The following NIM1K variants were observed in gnomAD, a reference collection of about 807,000 sequenced individuals.
NIM1K encodes the protein NIM1 serine/threonine protein kinase, also known as serine/threonine-protein kinase NIM1.
NIM1K carries 35 observed loss-of-function variants against 37.1 expected under a neutral mutation model. The ratio of observed to expected loss-of-function variants is 0.94; its 90% CI spans 0.72 to 1.25. The LOEUF is 1.25. Ranked by LOEUF, NIM1K falls within the 50% of genes most tolerant of loss-of-function variation. NIM1K has a pLI of 0.00. For missense variants in NIM1K, 564 were observed against 548.0 expected, an observed-to-expected ratio of 1.03 and a Z score of -0.29; for synonymous variants, 234 against 206.6, an observed-to-expected ratio of 1.13 and a Z score of -1.14.
rs1056085127 is a variant in NIM1K, at chr5:43,229,081, T to C, written c.-694-16001T>C. Among the ~76,000 whole-genome samples, 3 of 152,108 alleles carry C rather than the reference T, an allele frequency of 2.0e-5. No homozygotes were observed. In the South Asian group the frequency reaches 6.2e-4, roughly 32 times the overall value. On this transcript the variant is annotated intron_variant, in intron 1 of 3. Transcript: ENST00000326035. Reference sequence around the variant, plus strand: ...ACCTTAGTTTCTTTAACATGACCAGTCCTCAATAAAGACTTTTGGGCCAGG... The same window carrying C: ...ACCTTAGTTTCTTTAACATGACCAGCCCTCAATAAAGACTTTTGGGCCAGG...
chr5:43,258,518 T>C (rs539593961), intron 2 of NIM1K, among the ~76,000 whole-genome samples: 24 of 152,154 alleles, frequency 1.6e-4, no homozygotes, highest in Admixed American at 6.6e-5. Flanking sequence ...CACAGCTCAC[T>C]GCAACCTTGA....
intron 1 of NIM1K, among the ~76,000 whole-genome samples, chr5:43,223,749 A>G (rs1237764916): frequency 6.6e-6 from 1 of 152,222 alleles, no homozygotes; most frequent in African/African-American, 2.4e-5. Context: ...TTGAGCCCCT[A>G]GATGGATAAT....
At position 43,204,637 on chromosome 5, in the gene NIM1K, G is replaced by A. The variant is rs561025560; in HGVS notation, c.-695+12226G>A. Among the ~76,000 whole-genome samples the A allele has an allele frequency of 1.4e-4, 21 of 151,576 alleles. 1 individual carries two copies. In the South Asian group the frequency reaches 4.0e-3, roughly 29 times the overall value. On this transcript the variant is annotated intron_variant, in intron 1 of 3. Transcript: ENST00000326035. ...CAAGAATCAGTTGAACCCAGGAGGC[G>A]GAGGTTGCAGTGAGCCAAGATGGTG... is the stretch of plus-strand genomic sequence containing the variant.
intron 1 of NIM1K, among the ~76,000 whole-genome samples, chr5:43,233,748 C>T (rs1194430251): frequency 6.6e-6 from 1 of 152,224 alleles, no homozygotes; most frequent in Admixed American, 6.5e-5. Flanking sequence ...ATTTTTAATT[C>T]CCTAAAAATA....
In NIM1K at chr5:43,245,628, C is replaced by A; in HGVS notation, c.-148C>A. On this transcript the variant is annotated 5_prime_UTR_variant, in exon 2 of 4. Coordinates refer to ENST00000326035, the MANE Select transcript of NIM1K (RefSeq NM_153361.4). The stretch of plus-strand genomic sequence containing the variant: ...TTCACTGCCTTCCTCTCACTAAAGC[C>A]GAGAGGGAGGCTGCTCAGCTCTCAG... The A allele has an allele frequency of 1.4e-6, 1 of 724,532 alleles. No individual in the cohort carries two copies. The highest frequency in any genetic ancestry group is 2.2e-6 in the Non-Finnish European group (1 of 446,678). 44.9% of individuals were successfully genotyped at this position (724,532 alleles called of 1,614,324 possible).
intron 2 of NIM1K, among the ~76,000 whole-genome samples, chr5:43,254,828 T>A (rs1187564901): frequency 1.3e-5 from 2 of 152,186 alleles, no homozygotes; most frequent in Non-Finnish European, 2.9e-5. Context: ...CTCAGTTTCC[T>A]AAGTAGCATG....
intron 1 of NIM1K, among the ~76,000 whole-genome samples, chr5:43,228,046 T>C (rs1036646704): frequency 1.3e-5 from 2 of 152,176 alleles, no homozygotes; most frequent in Non-Finnish European, 2.9e-5. Flanking sequence ...CCTCACTTGG[T>C]TGTTTAATTT....
At position 43,221,847 on chromosome 5, in the gene NIM1K, T is replaced by C. The variant is rs557236395; in HGVS notation, c.-694-23235T>C. 2.6e-5 allele frequency among the ~76,000 whole-genome samples: 4 copies of C among 152,378 alleles called. No individual in the cohort carries two copies. The East Asian group carries it at 7.7e-4, about 29-fold the overall frequency. On this transcript the variant is annotated intron_variant, in intron 1 of 3. Transcript: ENST00000326035. ...ACCATTAGGCTGAACTTAGAATATT[T>C]AAGCAGGCAGCTTTAGGCTAATCTT...
chr5:43,265,256 A>G (rs1753123322), intron 2 of NIM1K, among the ~76,000 whole-genome samples: 1 of 152,252 alleles, frequency 6.6e-6, no homozygotes, highest in Non-Finnish European at 1.5e-5. Flanking sequence ...AGGTACACCA[A>G]TCAGACGTAG....
At chr5:43,239,165 A>T (rs1052095996) in intron 1 of NIM1K, among the ~76,000 whole-genome samples, 3 of 151,478 alleles carry the variant, frequency 2.0e-5, no homozygotes, top group Admixed American at 2.0e-4. Context: ...CTTATCACTA[A>T]TTTTCTTGCC....
chr5:43,253,610 ATCT>A (rs918330018), intron 2 of NIM1K, among the ~76,000 whole-genome samples: 20 of 151,922 alleles, frequency 1.3e-4, no homozygotes, highest in African/African-American at 4.8e-4. Context: ...ATCATGGAAA[ATCT>A]TCTTGCATAT....
At chr5:43,252,584 A>T (rs1215106911) in intron 2 of NIM1K, among the ~76,000 whole-genome samples, 6 of 152,016 alleles carry the variant, frequency 3.9e-5, no homozygotes, top group Non-Finnish European at 7.4e-5. Context: ...GAAAAAAAAA[A>T]AAAATAAAGA....
chr5:43,259,624 A>G (rs916042509), intron 2 of NIM1K, among the ~76,000 whole-genome samples: 17 of 152,024 alleles, frequency 1.1e-4, no homozygotes, highest in Admixed American at 8.5e-4. Flanking sequence ...CTTTTTAATG[A>G]GATCTTTTTT....
chr5:43,242,592 T>C (rs976388451), intron 1 of NIM1K, among the ~76,000 whole-genome samples: 1 of 151,886 alleles, frequency 6.6e-6, no homozygotes, highest in Non-Finnish European at 1.5e-5. Flanking sequence ...ATCTTAAAAA[T>C]GTGGACTGAA....
intron 1 of NIM1K, among the ~76,000 whole-genome samples, chr5:43,241,835 T>G (rs559114177): frequency 6.6e-6 from 1 of 152,114 alleles, no homozygotes; most frequent in African/African-American, 2.4e-5. Flanking sequence ...CTTTAATGGC[T>G]TTCGCTGAGA....
At position 43,244,503 on chromosome 5, in the gene NIM1K, T is replaced by C. The variant is rs150106859; in HGVS notation, c.-694-579T>C. On this transcript the variant is annotated intron_variant, in intron 1 of 3. Transcript: ENST00000326035. ...CAGCATTTCTTGTCACTGGCAATGCTGTAAACCCTCCTTTTCCACATCTTC... is the reference window on the plus strand; with the variant it reads ...CAGCATTTCTTGTCACTGGCAATGCCGTAAACCCTCCTTTTCCACATCTTC... 4.8e-3 allele frequency among the ~76,000 whole-genome samples: 738 copies of C among 152,340 alleles called. 5 individuals are homozygous for C. The highest frequency in any genetic ancestry group is 0.017 in the African/African-American group (714 of 41,588).
At position 43,208,928 on chromosome 5, in the gene NIM1K, A is replaced by G. The variant is rs191374703; in HGVS notation, c.-695+16517A>G. ...CCCTAGGGAAGTGTAAACATAAAGA[A>G]GGCAAGGAGCAGGAACTCGGGCAAA... is the stretch of plus-strand genomic sequence containing the variant. On this transcript the variant is annotated intron_variant, in intron 1 of 3. Transcript: ENST00000326035. Among the ~76,000 whole-genome samples, 584 of 152,328 alleles carry G rather than the reference A, an allele frequency of 3.8e-3. 4 individuals carry two copies. The highest frequency in any genetic ancestry group is 7.3e-3 in the Non-Finnish European group (496 of 68,028).
intron 2 of NIM1K, among the ~76,000 whole-genome samples, chr5:43,249,658 C>T (rs59733223): frequency 0.28 from 43,178 of 151,864 alleles, 6,864 homozygotes; most frequent in East Asian, 0.67. Flanking sequence ...AAAACACTGA[C>T]ATCCAGAAGG....
At chr5:43,199,204 A>AAAAAAAATATATAT (rs1200134957) in intron 1 of NIM1K, among the ~76,000 whole-genome samples, 22 of 94,034 alleles carry the variant, frequency 2.3e-4, no homozygotes, top group Non-Finnish European at 3.3e-4. Context: ...AAAAAAAAAA[A>AAAAAAAATATATAT]ATATATATAT....
Sources: allele counts gnomAD v4.1 joint callset (sites outside exome capture counted in the v4.1 genomes callset), GRCh38; gene constraint gnomAD v4.1.1; transcripts MANE v1.5; gene names NCBI Gene and HGNC (gene_info 2026-07-23, HGNC 2026-07-21).